ROBO1: variants seen among roughly 807,000 people sequenced by gnomAD.
The protein encoded by ROBO1 is roundabout guidance receptor 1.
Under a neutral mutation model 195.9 loss-of-function variants are expected in ROBO1, and 149 were observed. The ratio of observed to expected loss-of-function variants is 0.76; its 90% CI spans 0.67 to 0.87. The LOEUF (loss-of-function observed/expected upper bound fraction) is 0.87, where lower values mean the gene tolerates loss of function less well. Ranked by LOEUF, ROBO1 falls within the 40% of genes least tolerant of loss-of-function variation. The pLI, the probability that ROBO1 is intolerant of heterozygous loss-of-function variation, is 0.00. For missense variants in ROBO1, 1,933 were observed against 2,068.3 expected (o/e 0.93, Z 1.27); for synonymous variants, 816 against 733.2 (o/e 1.11, Z -1.82).
At position 79,050,054 on chromosome 3, in the gene ROBO1, T is replaced by C. The variant is rs138344846; in HGVS notation, c.172+75402A>G. On this transcript the variant is annotated intron_variant, in intron 3 of 30. Coordinates refer to ENST00000464233, the MANE Select transcript of ROBO1 (RefSeq NM_002941.4). ...AATTCACACATAACAATATTAACCT[T>C]AAATGTAAATGGGCTAAGTGTCCCA... is the stretch of plus-strand genomic sequence containing the variant. Among the ~76,000 whole-genome samples, 290 of 152,192 alleles carry C rather than the reference T, an allele frequency of 1.9e-3. 5 individuals are homozygous for C. In the East Asian group the frequency reaches 0.036, roughly 19 times the overall value.
At chr3:79,621,241 GC>G (rs1944998440) in intron 1 of ROBO1, among the ~76,000 whole-genome samples, 1 of 152,030 alleles carries the variant, frequency 6.6e-6, no homozygotes, top group Admixed American at 6.6e-5. Context: ...TTCCTTGTGA[GC>G]CCTGCCCCTG....
At chr3:79,395,317 G>A (rs1261723249) in intron 2 of ROBO1, among the ~76,000 whole-genome samples, 6 of 64,670 alleles carry the variant, frequency 9.3e-5, no homozygotes, top group Admixed American at 2.6e-4. Flanking sequence ...GCAAGACTCC[G>A]TCTCAAAAAA....
intron 1 of ROBO1, among the ~76,000 whole-genome samples, chr3:79,687,293 C>T (rs1221412312): frequency 6.6e-6 from 1 of 151,824 alleles, no homozygotes; most frequent in Non-Finnish European, 1.5e-5. Context: ...TAAGCATTAC[C>T]ATTCAGGACA....
intron 2 of ROBO1, among the ~76,000 whole-genome samples, chr3:79,503,547 C>A (rs1050930758): frequency 1.3e-5 from 2 of 152,166 alleles, no homozygotes; most frequent in African/African-American, 4.8e-5. Context: ...GGGTAAGTCA[C>A]TTTAATGTGT....
At chr3:79,163,323 T>C (rs1030438617) in intron 2 of ROBO1, among the ~76,000 whole-genome samples, 4 of 152,136 alleles carry the variant, frequency 2.6e-5, no homozygotes, top group African/African-American at 9.7e-5. Flanking sequence ...TATAATGTTT[T>C]CAAGGTTCAT....
At chr3:79,313,822 G>C (rs918094372) in intron 2 of ROBO1, among the ~76,000 whole-genome samples, 1 of 152,048 alleles carries the variant, frequency 6.6e-6, no homozygotes, top group African/African-American at 2.4e-5. Context: ...TTTTAAAAAG[G>C]CTTTTATGCT....
At chr3:79,175,320 T>C (rs567043172) in intron 2 of ROBO1, among the ~76,000 whole-genome samples, 2 of 152,316 alleles carry the variant, frequency 1.3e-5, no homozygotes, top group South Asian at 4.1e-4. Context: ...CTTTATTTTA[T>C]TTTTTAATAG....
rs1006022553 is a variant in ROBO1, at chr3:78,652,057, C to T, written c.2615-128G>A. ...TCTGTTTTTCCTCTCACACCACTCACCATCATCAAATAAAATAGTTCATAC... is the reference window on the plus strand; with the variant it reads ...TCTGTTTTTCCTCTCACACCACTCATCATCATCAAATAAAATAGTTCATAC... On this transcript the variant is annotated intron_variant, in intron 18 of 30. Coordinates refer to ENST00000464233, the MANE Select transcript of ROBO1 (RefSeq NM_002941.4). 18 of 719,342 alleles carry T rather than the reference C, an allele frequency of 2.5e-5. No homozygotes were observed. The Admixed American group carries it at 5.0e-4, about 20-fold the overall frequency. The allele number at this position is 719,342 out of a possible 1,614,324, so 44.6% of individuals were successfully genotyped here. A position where few individuals can be genotyped will look rare whatever the true frequency, so the allele number is the denominator to read the frequency against.
chr3:79,381,842 C>G (rs1353353272), intron 2 of ROBO1, among the ~76,000 whole-genome samples: 1 of 151,902 alleles, frequency 6.6e-6, no homozygotes, highest in Non-Finnish European at 1.5e-5. Context: ...AGCACATATC[C>G]CAGATAAAAT....
chr3:79,457,227 A>G lies in ROBO1; in HGVS notation c.88+132597T>C, dbSNP rs368987790. Among the ~76,000 whole-genome samples the G allele has an allele frequency of 5.8e-4, 88 of 152,328 alleles. 1 individual carries two copies. Among genetic ancestry groups the G allele is most frequent in the South Asian group, 1.0e-3 (5 of 4,826 alleles). ...CAAACAAACAAAATAATCAGCATTC[A>G]TCAACTGAACTTTTGCAAAATAATT... On this transcript the variant is annotated intron_variant, in intron 2 of 30. Transcript: ENST00000464233.
At chr3:78,908,341 C>T (rs2038050960) in intron 4 of ROBO1, among the ~76,000 whole-genome samples, 1 of 151,842 alleles carries the variant, frequency 6.6e-6, no homozygotes, top group Admixed American at 6.6e-5. Flanking sequence ...TATCTGGTGA[C>T]CAGAGGGCAC....
intron 1 of ROBO1, among the ~76,000 whole-genome samples, chr3:79,622,986 C>A (rs1176360928): frequency 2.0e-5 from 3 of 152,178 alleles, no homozygotes; most frequent in Admixed American, 1.3e-4. Context: ...TTGCTATTCT[C>A]CAGCCTCCTT....
At chr3:79,578,647 C>T (rs2107779997) in intron 2 of ROBO1, among the ~76,000 whole-genome samples, 1 of 152,212 alleles carries the variant, frequency 6.6e-6, no homozygotes, top group African/African-American at 2.4e-5. Flanking sequence ...TTTTTCTACC[C>T]AGAATGCCTG....
At chr3:78,774,547 T>C (rs893438541) in intron 4 of ROBO1, among the ~76,000 whole-genome samples, 2 of 152,156 alleles carry the variant, frequency 1.3e-5, no homozygotes, top group East Asian at 3.9e-4. Flanking sequence ...CCTGACCTTG[T>C]GATCCGACAG....
intron 1 of ROBO1, among the ~76,000 whole-genome samples, chr3:79,720,373 C>G (rs1262792139): frequency 1.3e-5 from 2 of 152,140 alleles, no homozygotes; most frequent in African/African-American, 4.8e-5. Context: ...AACTGCCAGT[C>G]AAATTAGTGA....
chr3:78,892,128 G>A (rs2036937578), intron 4 of ROBO1, among the ~76,000 whole-genome samples: 1 of 152,208 alleles, frequency 6.6e-6, no homozygotes, highest in Non-Finnish European at 1.5e-5. Flanking sequence ...GAGAGGCTGA[G>A]GCAGGCAGAT....
rs536340055 is a variant in ROBO1 at position 79,337,388 on chromosome 3, C to T, written c.89-211849G>A. ...GGAGGCAGTTTCCCCATATTGTTCT[C>T]ATGGTAGTGAGTGAGGTCTCACAAG... is the stretch of plus-strand genomic sequence containing the variant. On this transcript the variant is annotated intron_variant, in intron 2 of 30. Coordinates refer to ENST00000464233, the MANE Select transcript of ROBO1 (RefSeq NM_002941.4). Among the ~76,000 whole-genome samples, 3 of 152,252 alleles carry T rather than the reference C, an allele frequency of 2.0e-5. No homozygotes were observed. The South Asian group carries it at 6.2e-4, about 32-fold the overall frequency.
intron 2 of ROBO1, among the ~76,000 whole-genome samples, chr3:79,423,354 T>C (rs1164447715): frequency 6.6e-6 from 1 of 152,176 alleles, no homozygotes; most frequent in Non-Finnish European, 1.5e-5. Flanking sequence ...CTTTGAGTTA[T>C]GCATTGACAA....
At chr3:78,998,180 A>C (rs1576538009) in intron 3 of ROBO1, among the ~76,000 whole-genome samples, 1 of 152,300 alleles carries the variant, frequency 6.6e-6, no homozygotes, top group East Asian at 1.9e-4. Flanking sequence ...ACTTGTTCAA[A>C]ATTGAAGATA....
Sources: gnomAD v4.1 joint callset for allele counts (sites outside exome capture counted in the v4.1 genomes callset) on GRCh38, gnomAD v4.1.1 for gene constraint, MANE v1.5 for transcripts, NCBI Gene and HGNC (gene_info 2026-07-23, HGNC 2026-07-21) for gene names.